Variants in GTF2H5 observed in about 807,000 individuals in gnomAD.
GTF2H5 encodes the protein general transcription factor IIH subunit 5.
Under a neutral mutation model 7.1 loss-of-function variants are expected in GTF2H5, and 5 were observed. That is an observed-to-expected ratio of 0.71 (90% CI 0.37 to 1.49). GTF2H5 has a LOEUF of 1.49. Among genes scored for constraint, GTF2H5 ranks in the 40% most tolerant of loss-of-function variants. The pLI, the probability that GTF2H5 is intolerant of heterozygous loss-of-function variation, is 0.03. For missense variants in GTF2H5, 80 were observed against 83.0 expected (o/e 0.96, Z 0.14); for synonymous variants, 30 against 31.7 (o/e 0.95, Z 0.18).
intron 2 of GTF2H5, among the ~76,000 whole-genome samples, chr6:158,174,340 T>G (rs1313403161): frequency 1.3e-5 from 2 of 152,176 alleles, no homozygotes; most frequent in Non-Finnish European, 2.9e-5. Context: ...ATCAGTTAAG[T>G]TTAACTGATT....
intron 2 of GTF2H5, among the ~76,000 whole-genome samples, chr6:158,175,081 G>C (rs771933861): frequency 3.4e-5 from 4 of 118,808 alleles, no homozygotes; most frequent in Non-Finnish European, 6.9e-5. Flanking sequence ...TATAGATATG[G>C]CTTAGTAAAT....
At chr6:158,183,783 A>G (rs1459406406) in intron 2 of GTF2H5, among the ~76,000 whole-genome samples, 1 of 152,012 alleles carries the variant, frequency 6.6e-6, no homozygotes, top group Admixed American at 6.6e-5. Context: ...GCTGGAGTGT[A>G]TTGCTCCTCC....
At chr6:158,183,949 C>G (rs1350997874) in intron 2 of GTF2H5, among the ~76,000 whole-genome samples, 1 of 152,184 alleles carries the variant, frequency 6.6e-6, no homozygotes, top group Non-Finnish European at 1.5e-5. Context: ...CCAGGTACCT[C>G]AGTTGGAAAT....
At chr6:158,189,739 TC>T (rs1776989397) in intron 2 of GTF2H5, among the ~76,000 whole-genome samples, 1 of 152,208 alleles carries the variant, frequency 6.6e-6, no homozygotes, top group African/African-American at 2.4e-5. Context: ...GCAAAATTTC[TC>T]AGTAAAGAGA....
intron 2 of GTF2H5, among the ~76,000 whole-genome samples, chr6:158,176,974 T>A (rs1785942784): frequency 6.6e-6 from 1 of 152,262 alleles, no homozygotes; most frequent in Non-Finnish European, 1.5e-5. Flanking sequence ...TTTTCCGCCC[T>A]GGGTGGGCCA....
rs1029127710 is a variant in GTF2H5 at position 158,180,681 on chromosome 6, G to A, written c.35+10143G>A. ...TAGAGGTGTTTATAGTATTCTGATG[G>A]TAGTTTATATTTCTGTGGGATCGGG... On this transcript the variant is annotated intron_variant, in intron 2 of 2. Coordinates refer to ENST00000607778, the MANE Select transcript of GTF2H5 (RefSeq NM_207118.3). 5.9e-5 allele frequency among the ~76,000 whole-genome samples: 9 copies of A among 152,140 alleles called. No individual in the cohort carries two copies. The South Asian group carries it at 8.3e-4, about 14-fold the overall frequency.
chr6:158,176,136 A>G (rs948514594), intron 2 of GTF2H5, among the ~76,000 whole-genome samples: 4 of 152,198 alleles, frequency 2.6e-5, no homozygotes, highest in Admixed American at 2.6e-4. Context: ...TTAAACTGGG[A>G]TTTTAAATCC....
rs1181394108 is a variant in GTF2H5, at chr6:158,169,829, G to GTATA, written c.-34-634_-34-631dup. On this transcript the variant is annotated intron_variant, in intron 1 of 2. Coordinates refer to ENST00000607778, the MANE Select transcript of GTF2H5 (RefSeq NM_207118.3). ...TATTATATATTATATATAAAAGTGTGTATATATATACACACACACACACAC... is the reference window on the plus strand; with the variant it reads ...TATTATATATTATATATAAAAGTGTGTATATATATATATACACACACACACACAC... Among the ~76,000 whole-genome samples, 38 of 71,956 alleles carry GTATA rather than the reference G, an allele frequency of 5.3e-4. 2 individuals are homozygous for GTATA. Among genetic ancestry groups the GTATA allele is most frequent in the African/African-American group, 2.4e-3 (37 of 15,564 alleles). 47.2% of individuals were successfully genotyped at this position (71,956 alleles called of 152,430 possible).
Position 158,193,988 on chromosome 6 carries a change from C to CG in GTF2H5, c.*1831_*1832insG, listed in dbSNP as rs1777068575. 1.3e-5 allele frequency: 1 copy of CG among 74,610 alleles called. No individual in the cohort carries two copies. The highest frequency in any genetic ancestry group is 2.8e-5 in the Non-Finnish European group (1 of 35,998). The allele number at this position is 74,610 out of a possible 1,614,324, so 4.6% of individuals were successfully genotyped here. On this transcript the variant is annotated 3_prime_UTR_variant, in exon 3 of 3. Coordinates refer to ENST00000607778, the MANE Select transcript of GTF2H5 (RefSeq NM_207118.3). ...TGGGCGACAGAGGGAGACTCCATCT[C>CG]AAAAAAAAAAAAAAAAAAAAATGAA...
intron 2 of GTF2H5, among the ~76,000 whole-genome samples, chr6:158,170,767 G>A (rs560267591): frequency 6.6e-6 from 1 of 152,286 alleles, no homozygotes; most frequent in East Asian, 1.9e-4. Context: ...TAGATGAGTC[G>A]TCTTTAGAGA....
rs535308712 is a variant in GTF2H5, at chr6:158,192,727, G to A, written c.*570G>A. The A allele has an allele frequency of 6.5e-6, 1 of 154,698 alleles. No homozygotes were observed. Among genetic ancestry groups the A allele is most frequent in the African/African-American group, 2.4e-5 (1 of 41,368 alleles). 9.6% of individuals were successfully genotyped at this position (154,698 alleles called of 1,614,324 possible). A position where few individuals can be genotyped will look rare whatever the true frequency, so the allele number is the denominator to read the frequency against. On this transcript the variant is annotated 3_prime_UTR_variant, in exon 3 of 3. Transcript: ENST00000607778. ...ACAACCAGTGGGAAAGGCACATGCT[G>A]CTTTGTTTAGTTTTTCCTTGTTCAA...
chr6:158,172,352 G>A (rs565055728), intron 2 of GTF2H5, among the ~76,000 whole-genome samples: 82 of 148,802 alleles, frequency 5.5e-4, no homozygotes, highest in Non-Finnish European at 9.8e-4. Flanking sequence ...TTGCTCTGTT[G>A]CCAGGTTGGA....
At chr6:158,169,397 T>TTA (rs1562467814) in intron 1 of GTF2H5, among the ~76,000 whole-genome samples, 35 of 77,622 alleles carry the variant, frequency 4.5e-4, no homozygotes, top group African/African-American at 1.7e-3. Context: ...ATATATAATA[T>TTA]TATATTGTAT....
chr6:158,174,847 C>G (rs2128429393), intron 2 of GTF2H5, among the ~76,000 whole-genome samples: 1 of 152,324 alleles, frequency 6.6e-6, no homozygotes, highest in Admixed American at 6.5e-5. Context: ...AGTTTGGCTT[C>G]TAAAGCTATA....
chr6:158,170,804 T>C (rs1785845015), intron 2 of GTF2H5, among the ~76,000 whole-genome samples: 1 of 152,190 alleles, frequency 6.6e-6, no homozygotes. Context: ...TCCTCAAACA[T>C]GATGAATTTT....
At chr6:158,180,704 G>A (rs543197586) in intron 2 of GTF2H5, among the ~76,000 whole-genome samples, 5 of 152,084 alleles carry the variant, frequency 3.3e-5, no homozygotes, top group African/African-American at 9.6e-5. Flanking sequence ...CTGTGGGATC[G>A]GGTTGATATC....
intron 2 of GTF2H5, among the ~76,000 whole-genome samples, chr6:158,185,628 AT>A (rs1215250749): frequency 2.0e-5 from 3 of 151,742 alleles, no homozygotes; most frequent in Admixed American, 2.0e-4. Context: ...AAGCTGTCTC[AT>A]TTGTCAGTTA....
At chr6:158,169,008 T>C (rs941140200) in intron 1 of GTF2H5, among the ~76,000 whole-genome samples, 12 of 151,162 alleles carry the variant, frequency 7.9e-5, no homozygotes, top group Non-Finnish European at 1.5e-4. Flanking sequence ...CCGAGGTAGG[T>C]GGATCATTTG....
chr6:158,169,836 T>TACAC (rs202023449), intron 1 of GTF2H5, among the ~76,000 whole-genome samples: 3 of 102,052 alleles, frequency 2.9e-5, no homozygotes, highest in African/African-American at 1.3e-4. Context: ...TGTGTATATA[T>TACAC]ATACACACAC....
Sources: allele counts gnomAD v4.1 joint callset (sites outside exome capture counted in the v4.1 genomes callset), GRCh38; gene constraint gnomAD v4.1.1; transcripts MANE v1.5; gene names NCBI Gene and HGNC (gene_info 2026-07-23, HGNC 2026-07-21).